Variants in NSD1 observed in about 807,000 individuals in gnomAD.
The protein encoded by NSD1 is nuclear receptor binding SET domain protein 1, also known as histone-lysine N-methyltransferase, H3 lysine-36 specific.
NSD1 carries 26 observed loss-of-function variants against 242.7 expected under a neutral mutation model. The ratio of observed to expected loss-of-function variants is 0.11; its 90% CI spans 0.08 to 0.15. The LOEUF (loss-of-function observed/expected upper bound fraction) is 0.15. Among genes scored for constraint, NSD1 ranks in the 10% least tolerant of loss-of-function variants. NSD1 has a pLI of 1.00. For missense variants in NSD1, 2,495 were observed against 3,272.8 expected, an observed-to-expected ratio of 0.76 and a Z score of 5.80; for synonymous variants, 1,106 against 1,178.1, an observed-to-expected ratio of 0.94 and a Z score of 1.25.
At chr5:177,217,411 G>C (rs1316456160) in intron 5 of NSD1, among the ~76,000 whole-genome samples, 1 of 152,016 alleles carries the variant, frequency 6.6e-6, no homozygotes, top group East Asian at 1.9e-4. Flanking sequence ...CCTACATAAA[G>C]GTTCATGTCA....
chr5:177,273,944 G>C (rs1169758498), intron 17 of NSD1, among the ~76,000 whole-genome samples, 160 bp downstream of exon 17: 2 of 152,136 alleles, frequency 1.3e-5, no homozygotes, highest in Non-Finnish European at 2.9e-5. Flanking sequence ...GGTGGCTCAC[G>C]CTTGTAATCC....
chr5:177,267,872 C>A (rs1297412128), intron 15 of NSD1, among the ~76,000 whole-genome samples, 154 bp downstream of exon 15: 1 of 151,704 alleles, frequency 6.6e-6, no homozygotes, highest in Non-Finnish European at 1.5e-5. Flanking sequence ...GGAAGAGAAA[C>A]CTAACTTTAT....
In NSD1 at chr5:177,214,256, C is replaced by T. The variant is rs369186503; in HGVS notation, c.3796+2061C>T. Reference sequence around the variant, plus strand: ...CTGAGGTAGGAGAATCACTTGAACCCGGGAGGTGGAGGTTGCAGTGAGTGG... The same window carrying T: ...CTGAGGTAGGAGAATCACTTGAACCTGGGAGGTGGAGGTTGCAGTGAGTGG... On this transcript the variant is annotated intron_variant, in intron 5 of 22. Coordinates refer to ENST00000439151, the MANE Select transcript of NSD1 (RefSeq NM_022455.5). Among the ~76,000 whole-genome samples, 48 of 152,168 alleles carry T rather than the reference C, an allele frequency of 3.2e-4. No homozygotes were observed. In the East Asian group the frequency reaches 6.8e-3, roughly 21 times the overall value.
chr5:177,137,445 G>A (rs1273548394), intron 2 of NSD1: 2 of 152,160 alleles, frequency 1.3e-5, no homozygotes, highest in African/African-American at 2.4e-5. Flanking sequence ...GAGAATGTGG[G>A]TGTGTCACTT....
At chr5:177,273,312 T>TAAAAAAA (rs11452158) in intron 16 of NSD1, among the ~76,000 whole-genome samples, 3 of 90,868 alleles carry the variant, frequency 3.3e-5, no homozygotes, top group African/African-American at 4.4e-5. Flanking sequence ...ACTGATGAGC[T>TAAAAAAA]AAAAAAAAAA....
intron 14 of NSD1, chr5:177,265,860 T>C: frequency 6.8e-7 from 1 of 1,465,250 alleles, no homozygotes; most frequent in South Asian, 1.1e-5. Context: ...ACGTAGTCAT[T>C]CTGCTTCACT....
At chr5:177,154,283 G>T (rs1757950882) in intron 2 of NSD1, among the ~76,000 whole-genome samples, 1 of 152,102 alleles carries the variant, frequency 6.6e-6, no homozygotes, top group Non-Finnish European at 1.5e-5. Context: ...ATACCAAGCA[G>T]ATAGGGAAGG....
At chr5:177,276,719 G>A (rs1322849624) in intron 17 of NSD1, among the ~76,000 whole-genome samples, 1 of 151,712 alleles carries the variant, frequency 6.6e-6, no homozygotes, top group East Asian at 1.9e-4. Context: ...GTCTTCCCAC[G>A]TTGGCCTCCC....
chr5:177,152,081 C>T (rs1199057716), intron 2 of NSD1, among the ~76,000 whole-genome samples: 5 of 151,830 alleles, frequency 3.3e-5, no homozygotes, highest in Admixed American at 2.6e-4. Flanking sequence ...AGGATAGTCT[C>T]GTTCTCCTGA....
intron 5 of NSD1, among the ~76,000 whole-genome samples, chr5:177,230,147 A>C (rs1194860001): frequency 2.0e-5 from 3 of 151,830 alleles, no homozygotes; most frequent in East Asian, 1.9e-4. Context: ...TTTTAGACGA[A>C]GTCTCACTCG....
At chr5:177,191,052 C>T (rs553361496) in intron 2 of NSD1, among the ~76,000 whole-genome samples, 45 of 150,738 alleles carry the variant, frequency 3.0e-4, no homozygotes, top group Non-Finnish European at 5.6e-4. Flanking sequence ...CTGCAACCTC[C>T]GCCTCCAGGG....
chr5:177,182,551 A>G lies in NSD1; in HGVS notation c.928-9333A>G, dbSNP rs557205306. Among the ~76,000 whole-genome samples the G allele has an allele frequency of 1.2e-4, 19 of 152,058 alleles. 1 individual carries two copies. Among genetic ancestry groups the G allele is most frequent in the African/African-American group, 1.9e-4 (8 of 41,410 alleles). ...AAGTGATTGTTTTGCCTAGAACTAC[A>G]AGGTTGTGCCAGCACCCCCAACTAA... is the stretch of plus-strand genomic sequence containing the variant. On this transcript the variant is annotated intron_variant, in intron 2 of 22. Transcript: ENST00000439151.
intron 2 of NSD1, among the ~76,000 whole-genome samples, chr5:177,158,274 TTTCTTTCTTTCTTTCTTTC>T (rs1482619981): frequency 8.1e-4 from 85 of 104,496 alleles, no homozygotes; most frequent in African/African-American, 4.3e-3. Context: ...TCTTTCTTTC[TTTCTTTCTTTCTTTCTTTC>T]TTTCTTTCTT....
chr5:177,181,427 G>GTTTTTTTTTT (rs34848476), intron 2 of NSD1, among the ~76,000 whole-genome samples: 1,381 of 117,054 alleles, frequency 0.012, 11 homozygotes, highest in Non-Finnish European at 0.018. Context: ...TTTTTTTTTG[G>GTTTTTTTTTT]TTTTTTTTTT....
intron 2 of NSD1, among the ~76,000 whole-genome samples, chr5:177,151,388 A>G (rs188803168): frequency 5.2e-4 from 78 of 151,408 alleles, no homozygotes; most frequent in African/African-American, 1.7e-3. Flanking sequence ...AGTCTTTTTT[A>G]TTTTTATTTT....
chr5:177,170,693 C>G (rs9313749), intron 2 of NSD1, among the ~76,000 whole-genome samples: 1 of 151,900 alleles, frequency 6.6e-6, no homozygotes, highest in African/African-American at 2.4e-5. Flanking sequence ...ACGTGACTTC[C>G]TATTCATCCA....
chr5:177,204,380 A>G, intron 4 of NSD1, 88 bp downstream of exon 4: 1 of 1,262,884 alleles, frequency 7.9e-7, no homozygotes, highest in Non-Finnish European at 1.1e-6. Context: ...TCGAGACAGA[A>G]CTTTGCTCTG....
At chr5:177,186,946 G>T (rs1761283623) in intron 2 of NSD1, among the ~76,000 whole-genome samples, 1 of 151,888 alleles carries the variant, frequency 6.6e-6, no homozygotes, top group Admixed American at 6.6e-5. Context: ...CAATCAAAAA[G>T]AAAATGGGAG....
intron 8 of NSD1, among the ~76,000 whole-genome samples, chr5:177,240,707 C>T (rs1037725185): frequency 1.3e-5 from 2 of 150,406 alleles, no homozygotes; most frequent in African/African-American, 4.9e-5. Flanking sequence ...GGCGAGACTC[C>T]GTCTCAAAAA....
Sources: gnomAD v4.1 joint callset for allele counts (sites outside exome capture counted in the v4.1 genomes callset) on GRCh38, gnomAD v4.1.1 for gene constraint, MANE v1.5 for transcripts, NCBI Gene and HGNC (gene_info 2026-07-23, HGNC 2026-07-21) for gene names.